The following SYCP1 variants were observed in gnomAD, a reference collection of about 807,000 sequenced individuals.
SYCP1 encodes synaptonemal complex protein 1, also known as cancer/testis antigen 8.
A neutral mutation model predicts 153.1 loss-of-function variants in SYCP1; 64 were observed. That is an observed-to-expected ratio of 0.42 (90% CI 0.34 to 0.51). The LOEUF (loss-of-function observed/expected upper bound fraction) is 0.51, where lower values mean the gene tolerates loss of function less well. Among genes scored for constraint, SYCP1 ranks in the 20% least tolerant of loss-of-function variants. The pLI is 0.06. For synonymous variants in SYCP1, 384 were observed against 341.8 expected, an observed-to-expected ratio of 1.12 and a Z score of -1.36; for missense variants, 997 against 1,049.0, an observed-to-expected ratio of 0.95 and a Z score of 0.68.
rs1669243694 is a variant in SYCP1 at position 114,926,296 on chromosome 1, C to G, written c.1819C>G (p.Gln607Glu). 5 of 1,524,302 alleles carry G rather than the reference C, an allele frequency of 3.3e-6. No individual in the cohort carries two copies. The highest frequency in any genetic ancestry group is 3.5e-4 in the Middle Eastern group (2 of 5,670). 94.4% of individuals were successfully genotyped at this position (1,524,302 alleles called of 1,614,324 possible). A position where few individuals can be genotyped will look rare whatever the true frequency, so the allele number is the denominator to read the frequency against. Residue 607 changes from glutamine to glutamate, a missense_variant, in exon 22 of 32, where the codon CAA (glutamine) becomes GAA (glutamate). This residue lies in a region of SYCP1 where 712 missense variants were observed against 682.9 expected (regional missense o/e 1.04). Transcript: ENST00000369522. ...SEENCNNLRK[Q>E]VENKNKYIEE... Reference sequence around the variant, plus strand: ...TTTTTAGTGTAACAATTTAAGGAAACAAGTTGAAAATAAAAACAAGTATAT... The same window carrying G: ...TTTTTAGTGTAACAATTTAAGGAAAGAAGTTGAAAATAAAAACAAGTATAT...
chr1:114,929,728 A>G (rs576347457), intron 23 of SYCP1, among the ~76,000 whole-genome samples: 54 of 152,162 alleles, frequency 3.5e-4, no homozygotes, highest in Admixed American at 2.0e-3. Context: ...TGAAGCAAAA[A>G]CTTGATAAAA....
intron 27 of SYCP1, 77 bp downstream of exon 27, chr1:114,947,397 T>C: frequency 1.0e-6 from 1 of 962,054 alleles, no homozygotes; most frequent in Non-Finnish European, 1.6e-6. Flanking sequence ...TATGTCATAT[T>C]ATAAAATAAT....
At chr1:114,987,103 T>C (rs1035292576) in intron 30 of SYCP1, among the ~76,000 whole-genome samples, 3 of 151,900 alleles carry the variant, frequency 2.0e-5, no homozygotes, top group Non-Finnish European at 2.9e-5. Context: ...TTTCTCTTTT[T>C]CCATCTTTAC....
intron 8 of SYCP1, among the ~76,000 whole-genome samples, chr1:114,873,066 C>G (rs1557760086): frequency 6.6e-6 from 1 of 152,144 alleles, no homozygotes; most frequent in Non-Finnish European, 1.5e-5. Flanking sequence ...GTGATGTCTA[C>G]TTTATGTACT....
chr1:114,962,345 T>C (rs1168323869), intron 27 of SYCP1, among the ~76,000 whole-genome samples: 1 of 152,160 alleles, frequency 6.6e-6, no homozygotes, highest in Admixed American at 6.5e-5. Flanking sequence ...AGAACCAGTG[T>C]TAGGTGCATA....
intron 28 of SYCP1, among the ~76,000 whole-genome samples, chr1:114,980,506 A>G (rs1392247620): frequency 1.3e-5 from 2 of 151,914 alleles, no homozygotes; most frequent in Non-Finnish European, 2.9e-5. Context: ...CTCATTCTTT[A>G]CTTTCATAAT....
intron 27 of SYCP1, among the ~76,000 whole-genome samples, chr1:114,956,437 A>G (rs184105396): frequency 3.9e-5 from 6 of 152,160 alleles, no homozygotes; most frequent in Admixed American, 1.3e-4. Flanking sequence ...TTAGGAAACT[A>G]TTGTCTGTGC....
chr1:114,948,575 A>G (rs1394784987), intron 27 of SYCP1, among the ~76,000 whole-genome samples: 1 of 152,128 alleles, frequency 6.6e-6, no homozygotes, highest in Non-Finnish European at 1.5e-5. Flanking sequence ...TTCATCTTAT[A>G]GTTGTGAGCT....
chr1:114,921,185 T>C (rs1668844887), intron 20 of SYCP1, among the ~76,000 whole-genome samples: 1 of 152,128 alleles, frequency 6.6e-6, no homozygotes, highest in Non-Finnish European at 1.5e-5. Flanking sequence ...TTGCAAATAA[T>C]ATCTTATAAC....
intron 28 of SYCP1, among the ~76,000 whole-genome samples, chr1:114,979,375 T>A (rs1250283185): frequency 6.6e-6 from 1 of 151,924 alleles, no homozygotes; most frequent in Non-Finnish European, 1.5e-5. Context: ...AAATGTTTGT[T>A]TGAAAAATAC....
At chr1:114,986,651 A>G (rs894423596) in intron 30 of SYCP1, among the ~76,000 whole-genome samples, 2 of 152,024 alleles carry the variant, frequency 1.3e-5, no homozygotes, top group African/African-American at 2.4e-5. Flanking sequence ...ATGTAGTTAA[A>G]TTTTGAACAT....
chr1:114,878,724 C>T (rs1246832879), intron 12 of SYCP1, among the ~76,000 whole-genome samples: 1 of 151,982 alleles, frequency 6.6e-6, no homozygotes, highest in East Asian at 1.9e-4. Flanking sequence ...TTGTATTTTC[C>T]TAGAGACGGG....
intron 12 of SYCP1, among the ~76,000 whole-genome samples, chr1:114,879,610 A>G (rs1204689858): frequency 6.6e-6 from 1 of 152,222 alleles, no homozygotes; most frequent in Non-Finnish European, 1.5e-5. Flanking sequence ...AGTGCCCAGT[A>G]TATGGTTTTG....
At chr1:114,954,622 C>T (rs1671322395) in intron 27 of SYCP1, among the ~76,000 whole-genome samples, 1 of 151,058 alleles carries the variant, frequency 6.6e-6, no homozygotes, top group Non-Finnish European at 1.5e-5. Context: ...TGCTCTGTCA[C>T]CAGGCTGGAG....
chr1:114,854,672 C>T (rs41274134), upstream of SYCP1: 7,158 of 152,312 alleles, frequency 0.047, 211 homozygotes, highest in African/African-American at 0.06. Flanking sequence ...TTCAGTCTGT[C>T]ATAGAGCCTG....
chr1:114,880,040 TTC>T (rs1665812723), intron 12 of SYCP1, among the ~76,000 whole-genome samples: 1 of 152,236 alleles, frequency 6.6e-6, no homozygotes, highest in Admixed American at 6.5e-5. Flanking sequence ...TTTATAGCTA[TTC>T]TCTGTTTATT....
At position 114,881,128 on chromosome 1, in the gene SYCP1, G is replaced by A. The variant is rs142995732; in HGVS notation, c.910+2926G>A. The stretch of plus-strand genomic sequence containing the variant: ...ATCCAGTCATCTGTTGATGAACACT[G>A]GTTGATTCCATATTGCTATTGTGAA... On this transcript the variant is annotated intron_variant, in intron 12 of 31. Coordinates refer to ENST00000369522, the MANE Select transcript of SYCP1 (RefSeq NM_003176.4). Among the ~76,000 whole-genome samples, 17 of 150,488 alleles carry A rather than the reference G, an allele frequency of 1.1e-4. No homozygotes were observed. The East Asian group carries it at 3.1e-3, about 28-fold the overall frequency.
chr1:114,959,177 G>T (rs1448271529), intron 27 of SYCP1, among the ~76,000 whole-genome samples: 2 of 152,050 alleles, frequency 1.3e-5, no homozygotes, highest in Non-Finnish European at 2.9e-5. Context: ...CCATAAAAGG[G>T]TGTTAGATTT....
chr1:114,881,056 T>TATATACACACACACAC lies in SYCP1; in HGVS notation c.910+2855_910+2856insTATACACACACACACA, dbSNP rs375436670. On this transcript the variant is annotated intron_variant, in intron 12 of 31. Transcript: ENST00000369522. ...TGAACAGTATTCCAATTTGTGTATA[T>TATATACACACACACAC]ACACACACACACACACACACACACA... Among the ~76,000 whole-genome samples the TATATACACACACACAC allele has an allele frequency of 1.8e-3, 262 of 145,032 alleles. 3 individuals carry two copies. The highest frequency in any genetic ancestry group is 2.4e-3 in the African/African-American group (93 of 38,264).
Sources: allele counts gnomAD v4.1 joint callset (sites outside exome capture counted in the v4.1 genomes callset), GRCh38; gene constraint gnomAD v4.1.1; regional missense constraint gnomAD v4.1.1; transcripts MANE v1.5; gene names NCBI Gene and HGNC (gene_info 2026-07-23, HGNC 2026-07-21).